The following ABI2 variants were observed in gnomAD, a reference collection of about 807,000 sequenced individuals.
The protein encoded by ABI2 is abelson interactor 2.
A neutral mutation model predicts 59.2 loss-of-function variants in ABI2; 25 were observed. The observed-to-expected ratio is 0.42, with a 90% confidence interval of 0.31 to 0.59. ABI2 has a LOEUF of 0.59. Among genes scored for constraint, ABI2 ranks in the 20% least tolerant of loss-of-function variants. The pLI is 0.14. For synonymous variants in ABI2, 213 were observed against 235.5 expected (o/e 0.90, Z 0.87); for missense variants, 545 against 681.8 (o/e 0.80, Z 2.23).
Position 203,392,335 on chromosome 2 carries a change from A to C in ABI2, c.578+1192A>C, listed in dbSNP as rs1212071230. On this transcript the variant is annotated intron_variant, in intron 5 of 11. Coordinates refer to ENST00000261018, the MANE Select transcript of ABI2 (RefSeq NM_001375670.1). The stretch of plus-strand genomic sequence containing the variant: ...ACCACCAACAACAACAACAACAACA[A>C]CAACAACAAAACAACCACAAACCTT... Among the ~76,000 whole-genome samples the C allele has an allele frequency of 1.8e-3, 267 of 145,134 alleles. 1 individual carries two copies. Among genetic ancestry groups the C allele is most frequent in the Middle Eastern group, 3.5e-3 (1 of 286 alleles).
At chr2:203,342,635 A>G (rs904720099) in intron 1 of ABI2, among the ~76,000 whole-genome samples, 2 of 151,206 alleles carry the variant, frequency 1.3e-5, no homozygotes, top group African/African-American at 2.4e-5. Flanking sequence ...GCTGGAGTGC[A>G]GTGGCGTGAT....
At chr2:203,412,615 AGGTT>A (rs2097722758) in intron 10 of ABI2, among the ~76,000 whole-genome samples, 1 of 78,536 alleles carries the variant, frequency 1.3e-5, no homozygotes, top group Non-Finnish European at 4.4e-5. Context: ...ACATATAATT[AGGTT>A]GATTTCATAT....
intron 9 of ABI2, among the ~76,000 whole-genome samples, chr2:203,406,851 C>A (rs2097447801): frequency 6.6e-6 from 1 of 151,956 alleles, no homozygotes; most frequent in Non-Finnish European, 1.5e-5. Context: ...TTAATAGAGA[C>A]AAGCTTTCAC....
intron 11 of ABI2, among the ~76,000 whole-genome samples, chr2:203,424,421 G>T (rs1243155509): frequency 2.6e-5 from 4 of 152,052 alleles, no homozygotes; most frequent in Admixed American, 1.3e-4. Context: ...ACTTATCAGG[G>T]TCTCGTTCTG....
At position 203,430,544 on chromosome 2, in the gene ABI2, C is replaced by G. The variant is rs1312910065; in HGVS notation, c.*3192C>G. 6.6e-6 allele frequency: 1 copy of G among 152,208 alleles called. No homozygotes were observed. The highest frequency in any genetic ancestry group is 2.4e-5 in the African/African-American group (1 of 41,452). 9.4% of individuals were successfully genotyped at this position (152,208 alleles called of 1,614,324 possible). ...AGAAACAAAAATAGTGCCAATGTGT[C>G]AAAATCGACATCTGAGAGATTCAGC... On this transcript the variant is annotated 3_prime_UTR_variant, in exon 12 of 12. Transcript: ENST00000261018.
At chr2:203,423,370 A>G (rs879877499) in intron 11 of ABI2, among the ~76,000 whole-genome samples, 2 of 152,148 alleles carry the variant, frequency 1.3e-5, no homozygotes, top group African/African-American at 4.8e-5. Flanking sequence ...AGAGAGTTTT[A>G]TGTTTAGATT....
rs1022410982 is a variant in ABI2 at position 203,372,968 on chromosome 2, C to T, written c.285+5924C>T. ...ATGGCGGCCAGGAAGAGGCGCTCCT[C>T]ACTTTCCAGACTGGGCAGCCAGGCA... On this transcript the variant is annotated intron_variant, in intron 2 of 11. Transcript: ENST00000261018. Among the ~76,000 whole-genome samples the T allele has an allele frequency of 3.9e-5, 6 of 152,092 alleles. No individual in the cohort carries two copies. The East Asian group carries it at 5.8e-4, about 15-fold the overall frequency.
chr2:203,383,602 C>T (rs1249223245), intron 4 of ABI2, among the ~76,000 whole-genome samples: 3 of 152,138 alleles, frequency 2.0e-5, no homozygotes, highest in Admixed American at 6.5e-5. Flanking sequence ...CAGTATGATT[C>T]CTTCTTGATG....
intron 1 of ABI2, among the ~76,000 whole-genome samples, chr2:203,360,380 G>C (rs1452787709): frequency 6.6e-6 from 1 of 152,170 alleles, no homozygotes; most frequent in African/African-American, 2.4e-5. Context: ...TTAAACAAAA[G>C]GCGAAGTGTT....
chr2:203,343,289 G>A (rs1055247087), intron 1 of ABI2, among the ~76,000 whole-genome samples: 6 of 152,252 alleles, frequency 3.9e-5, no homozygotes, highest in East Asian at 3.9e-4. Flanking sequence ...GCATGAACTC[G>A]GGAAGCGGAG....
chr2:203,415,345 C>T lies in ABI2; in HGVS notation c.1280-1563C>T, dbSNP rs188561446. ...GAAAATCCATTTAATTCACCGGGCGCGGTGGCTCACGCCTGTAATCCCAGC... is the reference window on the plus strand; with the variant it reads ...GAAAATCCATTTAATTCACCGGGCGTGGTGGCTCACGCCTGTAATCCCAGC... On this transcript the variant is annotated intron_variant, in intron 10 of 11. Coordinates refer to ENST00000261018, the MANE Select transcript of ABI2 (RefSeq NM_001375670.1). 4.5e-3 allele frequency among the ~76,000 whole-genome samples: 692 copies of T among 152,120 alleles called. 10 individuals carry two copies. Among genetic ancestry groups the T allele is most frequent in the Admixed American group, 7.9e-3 (120 of 15,272 alleles).
intron 1 of ABI2, among the ~76,000 whole-genome samples, chr2:203,338,983 A>AATATATATATAT (rs1212962939): frequency 2.4e-3 from 30 of 12,290 alleles, no homozygotes; most frequent in Admixed American, 4.4e-3. Context: ...TATATATATA[A>AATATATATATAT]ATATATATAT....
chr2:203,336,886 C>T (rs1341866636), intron 1 of ABI2, among the ~76,000 whole-genome samples: 2 of 152,154 alleles, frequency 1.3e-5, no homozygotes, highest in African/African-American at 2.4e-5. Context: ...TTTCCAAAAA[C>T]GATGGTACCG....
At chr2:203,365,926 GC>G (rs929187004) in intron 1 of ABI2, among the ~76,000 whole-genome samples, 4 of 151,964 alleles carry the variant, frequency 2.6e-5, no homozygotes, top group African/African-American at 9.7e-5. Flanking sequence ...ACCGTGCCCG[GC>G]CGGGGCTGTT....
intron 3 of ABI2, among the ~76,000 whole-genome samples, chr2:203,381,533 T>G (rs977232395): frequency 6.6e-6 from 1 of 152,218 alleles, no homozygotes; most frequent in African/African-American, 2.4e-5. Flanking sequence ...TCCCAAAATA[T>G]TGGGATTACA....
At chr2:203,375,543 A>T (rs2153135326) in intron 2 of ABI2, among the ~76,000 whole-genome samples, 1 of 152,352 alleles carries the variant, frequency 6.6e-6, no homozygotes, top group African/African-American at 2.4e-5. Flanking sequence ...AAAGAATATC[A>T]TGAGGGCAAA....
intron 1 of ABI2, among the ~76,000 whole-genome samples, chr2:203,354,244 A>G (rs976134958): frequency 3.2e-4 from 48 of 152,200 alleles, no homozygotes; most frequent in African/African-American, 1.1e-3. Context: ...GGGTTTCGCC[A>G]TGTTGCCCAG....
chr2:203,393,618 A>G (rs933884908), intron 5 of ABI2, among the ~76,000 whole-genome samples: 1 of 152,212 alleles, frequency 6.6e-6, no homozygotes, highest in African/African-American at 2.4e-5. Flanking sequence ...GTAAATTGCA[A>G]AGTGATCTCA....
chr2:203,392,521 A>G (rs1231917027), intron 5 of ABI2, among the ~76,000 whole-genome samples: 1 of 152,232 alleles, frequency 6.6e-6, no homozygotes, highest in East Asian at 1.9e-4. Flanking sequence ...GGAGTGGACA[A>G]AATAATTCTG....
Sources: gnomAD v4.1 joint callset for allele counts (sites outside exome capture counted in the v4.1 genomes callset) on GRCh38, gnomAD v4.1.1 for gene constraint, MANE v1.5 for transcripts, NCBI Gene and HGNC (gene_info 2026-07-23, HGNC 2026-07-21) for gene names.